Variants in PPOX observed in about 807,000 individuals in gnomAD.
The protein encoded by PPOX is variegate porphyria.
PPOX carries 23 observed loss-of-function variants against 54.1 expected under a neutral mutation model. That is an observed-to-expected ratio of 0.43 (90% confidence interval 0.31 to 0.60). PPOX has a LOEUF of 0.60. PPOX is among the 20% of genes least tolerant of loss of function. The pLI, the probability that PPOX is intolerant of heterozygous loss-of-function variation, is 0.13. For synonymous variants in PPOX, 224 were observed against 236.1 expected (o/e 0.95, Z 0.47); for missense variants, 512 against 601.1 (o/e 0.85, Z 1.55).
At position 161,170,453 on chromosome 1, in the gene PPOX, G is replaced by A; in HGVS notation, c.1032G>A (p.Leu344=). The A allele has an allele frequency of 6.2e-7, 1 of 1,614,128 alleles. No homozygotes were observed. Among genetic ancestry groups the A allele is most frequent in the Non-Finnish European group, 8.5e-7 (1 of 1,180,038 alleles). ...LVPSSEDPGV[L]GIVYDSVAFP... ...CATCTTCAGAAGATCCAGGAGTCCTGGGAATCGTGTATGACTCAGTTGCTT... is the reference window on the plus strand; with the variant it reads ...CATCTTCAGAAGATCCAGGAGTCCTAGGAATCGTGTATGACTCAGTTGCTT... Residue 344 remains leucine, a synonymous_variant, in exon 10 of 13, where the codon CTG becomes CTA. Coordinates refer to ENST00000367999, the MANE Select transcript of PPOX (RefSeq NM_001122764.3).
chr1:161,171,236 T>TATCA (rs1661333115), downstream of PPOX: 1 of 1,611,184 alleles, frequency 6.2e-7, no homozygotes, highest in East Asian at 2.2e-5. Flanking sequence ...CTGGCTGTTC[T>TATCA]ATCACCTATA....
chr1:161,171,266 G>A, downstream of PPOX: 1 of 1,595,320 alleles, frequency 6.3e-7, no homozygotes, highest in Non-Finnish European at 8.5e-7. Flanking sequence ...ATGCGGGGCA[G>A]CAAAGAGGCA....
At position 161,166,540 on chromosome 1, in the gene PPOX, C is replaced by G. The variant is rs1439563587; in HGVS notation, c.-141C>G. 8.0e-6 allele frequency: 11 copies of G among 1,375,914 alleles called. No individual in the cohort carries two copies. In the East Asian group the frequency reaches 2.6e-4, roughly 32 times the overall value. 85.2% of individuals were successfully genotyped at this position (1,375,914 alleles called of 1,614,324 possible). ...CACCTCAGAACTCAGGCGTACTGCC[C>G]GCCGCCCGAGCCCTGCGAGGGCCGA... is the stretch of plus-strand genomic sequence containing the variant. On this transcript the variant is annotated 5_prime_UTR_variant, in exon 1 of 13. Coordinates refer to ENST00000367999, the MANE Select transcript of PPOX (RefSeq NM_001122764.3).
At chr1:161,173,357 C>T (rs1054100319), downstream of PPOX, among the ~76,000 whole-genome samples, 5 of 152,126 alleles carry the variant, frequency 3.3e-5, no homozygotes, top group African/African-American at 9.7e-5. Context: ...TGGAATCCGA[C>T]GATACTATTT....
chr1:161,176,420 A>G, intron 4 of PPOX: 1 of 400,306 alleles, frequency 2.5e-6, no homozygotes, highest in Non-Finnish European at 4.6e-6. Flanking sequence ...TTAGAAGGGA[A>G]GAGATAGACT....
Position 161,166,898 on chromosome 1 carries a change from C to A in PPOX, c.51C>A (p.Ala17=). The A allele has an allele frequency of 6.2e-7, 1 of 1,613,786 alleles. No homozygotes were observed. The change falls in exon 2 of 13, where the codon GCC becomes GCA. Residue 17 remains alanine (A), a synonymous_variant. Coordinates refer to ENST00000367999, the MANE Select transcript of PPOX (RefSeq NM_001122764.3). ...GCGGAGGCATCAGCGGCTTGGCCGCCAGTTACCACCTGAGCCGGGCCCCCT... is the reference window on the plus strand; with the variant it reads ...GCGGAGGCATCAGCGGCTTGGCCGCAAGTTACCACCTGAGCCGGGCCCCCT... The part of the protein sequence containing the change: ...VLGGGISGLA[A]SYHLSRAPCP...
downstream of PPOX, chr1:161,171,992 T>C: frequency 1.9e-6 from 3 of 1,614,034 alleles, no homozygotes; most frequent in Non-Finnish European, 2.5e-6. Context: ...GTGATGTTGG[T>C]ATAAAGAGGC....
At chr1:161,168,674 T>C in intron 6 of PPOX, 98 bp downstream of exon 6, 1 of 1,494,490 alleles carries the variant, frequency 6.7e-7, no homozygotes, top group South Asian at 1.2e-5. Flanking sequence ...TTTTTCTTTT[T>C]TGAGACGGAG....
intron 4 of PPOX, chr1:161,176,345 A>C (rs1663513611): frequency 5.7e-6 from 3 of 526,424 alleles, no homozygotes; most frequent in African/African-American, 1.9e-5. Context: ...ACCCCCAAAA[A>C]TGTTTACATC....
At chr1:161,171,846 GGCAGTA>G (rs143618194), downstream of PPOX, 61 of 1,614,182 alleles carry the variant, frequency 3.8e-5, no homozygotes, top group East Asian at 1.3e-3. Flanking sequence ...CTGTGTGGTT[GGCAGTA>G]GATAGAGGCC....
At chr1:161,176,905 G>A (rs917749400) in exon 5 of PPOX, 6 of 1,536,154 alleles carry the variant, frequency 3.9e-6, no homozygotes, top group South Asian at 1.2e-5. Context: ...AGTGGCCTAA[G>A]GAGTACCCAG....
At chr1:161,175,094 G>C, downstream of PPOX, 1 of 1,614,062 alleles carries the variant, frequency 6.2e-7, no homozygotes, top group Non-Finnish European at 8.5e-7. Context: ...GCACGATGAG[G>C]CACAATGATG....
At chr1:161,176,173 G>A (rs1209257264), downstream of PPOX, 3 of 1,311,602 alleles carry the variant, frequency 2.3e-6, no homozygotes, top group African/African-American at 4.4e-5. Context: ...GGGTAAAGAG[G>A]AAAAAGCAGA....
In PPOX at chr1:161,171,185, T is replaced by A. The variant is rs1299273233; in HGVS notation, c.*9T>A. ...CAGAACCTAACAGCTGATCCCCAAC[T>A]CTCATTCATGAAAATAAAAATTGCT... On this transcript the variant is annotated 3_prime_UTR_variant, in exon 13 of 13. Coordinates refer to ENST00000367999, the MANE Select transcript of PPOX (RefSeq NM_001122764.3). 2 of 1,612,936 alleles carry A rather than the reference T, an allele frequency of 1.2e-6. No individual in the cohort carries two copies. The highest frequency in any genetic ancestry group is 1.7e-6 in the Non-Finnish European group (2 of 1,180,038).
At position 161,171,190 on chromosome 1, in the gene PPOX, T is replaced by C. The variant is rs528496335; in HGVS notation, c.*14T>C. On this transcript the variant is annotated 3_prime_UTR_variant, in exon 13 of 13. Coordinates refer to ENST00000367999, the MANE Select transcript of PPOX (RefSeq NM_001122764.3). ...CCTAACAGCTGATCCCCAACTCTCA[T>C]TCATGAAAATAAAAATTGCTGGAGC... The C allele has an allele frequency of 2.5e-6, 4 of 1,613,008 alleles. No homozygotes were observed. In the African/African-American group the frequency reaches 5.3e-5, roughly 21 times the overall value.
In PPOX at chr1:161,166,580, C is replaced by T; in HGVS notation, c.-101C>T. On this transcript the variant is annotated 5_prime_UTR_variant, in exon 1 of 13. Coordinates refer to ENST00000367999, the MANE Select transcript of PPOX (RefSeq NM_001122764.3). The stretch of plus-strand genomic sequence containing the variant: ...GCGAGGGCCGATAGCGAGGGTGTGG[C>T]CCTTATCTGCACCCAGCAGAGCGCC... 1 of 1,420,978 alleles carries T rather than the reference C, an allele frequency of 7.0e-7. No individual in the cohort carries two copies. Among genetic ancestry groups the T allele is most frequent in the Non-Finnish European group, 9.2e-7 (1 of 1,089,916 alleles). The allele number at this position is 1,420,978 out of a possible 1,614,324, so 88.0% of individuals were successfully genotyped here. A position where few individuals can be genotyped will look rare whatever the true frequency, so the allele number is the denominator to read the frequency against.
chr1:161,168,859 T>G (rs1660081753), intron 6 of PPOX, 134 bp from the exon 7 acceptor site: 2 of 1,050,360 alleles, frequency 1.9e-6, no homozygotes, highest in East Asian at 5.2e-5. Flanking sequence ...AGATGCAGTT[T>G]CACTATGTTG....
At chr1:161,177,083 C>T (rs1488550980), downstream of PPOX, 20 of 1,469,106 alleles carry the variant, frequency 1.4e-5, no homozygotes, top group Non-Finnish European at 1.7e-5. Context: ...CCTCTTCTAG[C>T]GGGGGTGGGG....
chr1:161,167,059 G>T (rs1230677831), intron 2 of PPOX, 41 bp from the exon 3 acceptor site: 2 of 1,614,114 alleles, frequency 1.2e-6, no homozygotes, highest in East Asian at 4.5e-5. Flanking sequence ...CTCGCCGGCG[G>T]CTACAGGCGG....
Sources: allele counts gnomAD v4.1 joint callset (sites outside exome capture counted in the v4.1 genomes callset), GRCh38; gene constraint gnomAD v4.1.1; transcripts MANE v1.5; gene names NCBI Gene and HGNC (gene_info 2026-07-23, HGNC 2026-07-21).